KLHL32: variants seen among roughly 807,000 people sequenced by gnomAD.
The protein encoded by KLHL32 is kelch-like protein 32.
Under a neutral mutation model 64.8 loss-of-function variants are expected in KLHL32, and 35 were observed. The ratio of observed to expected loss-of-function variants is 0.54; its 90% confidence interval spans 0.41 to 0.72. The LOEUF is 0.72. KLHL32 is among the 30% of genes least tolerant of loss of function. The probability of loss-of-function intolerance (pLI) is 0.00; values close to 1 mark genes in which losing one functional copy is unlikely to be tolerated. For synonymous variants in KLHL32, 259 were observed against 281.0 expected, an observed-to-expected ratio of 0.92 and a Z score of 0.78; for missense variants, 589 against 768.5, an observed-to-expected ratio of 0.77 and a Z score of 2.76.
intron 2 of KLHL32, among the ~76,000 whole-genome samples, chr6:96,974,099 G>T (rs1239098982): frequency 6.6e-6 from 1 of 151,998 alleles, no homozygotes; most frequent in African/African-American, 2.4e-5. Flanking sequence ...CAAAATACCG[G>T]ATCTTGGACC....
chr6:97,101,330 T>C (rs1206155), intron 6 of KLHL32, among the ~76,000 whole-genome samples: 115,850 of 152,008 alleles, frequency 0.76, 44,441 homozygotes, highest in African/African-American at 0.85. Context: ...CAGGATTACC[T>C]CCAACAATTC....
intron 7 of KLHL32, among the ~76,000 whole-genome samples, chr6:97,126,719 A>G (rs946010905): frequency 2.6e-5 from 4 of 152,200 alleles, no homozygotes; most frequent in Non-Finnish European, 5.9e-5. Flanking sequence ...AAGACTTAGT[A>G]TGAAAAAAAG....
chr6:97,130,870 C>A lies in KLHL32; in HGVS notation c.1527C>A (p.Asp509Glu), dbSNP rs767030751. The change falls in exon 9 of 11, where the codon GAC becomes GAA. Residue 509 changes from aspartate (D) to glutamate (E), a missense_variant. Asp to Glu is a conservative substitution (Grantham distance 45). This residue lies in a region of KLHL32 where 172 missense variants were observed against 192.0 expected (regional missense o/e 0.90). Transcript: ENST00000369261. ...GCAATGACCTAGACTACAATAATGA[C>A]CGGATCCTTGTGCGCCATATAGATT... ...LGGNDLDYNN[D>E]RILVRHIDSY... is the part of the protein sequence containing the mutation. 1 of 1,614,076 alleles carries A rather than the reference C, an allele frequency of 6.2e-7. No homozygotes were observed. The highest frequency in any genetic ancestry group is 1.1e-5 in the South Asian group (1 of 91,076).
chr6:96,924,372 G>C (rs899364086), upstream of KLHL32, among the ~76,000 whole-genome samples: 1 of 151,922 alleles, frequency 6.6e-6, no homozygotes, highest in Non-Finnish European at 1.5e-5. Context: ...TGTGACCCAG[G>C]GGCCGGCGAC....
At chr6:97,111,262 A>G (rs1797096038) in intron 6 of KLHL32, among the ~76,000 whole-genome samples, 1 of 152,258 alleles carries the variant, frequency 6.6e-6, no homozygotes, top group African/African-American at 2.4e-5. Context: ...TGCAAGAGGC[A>G]TAGCTCAGAA....
rs111653706 is a variant in KLHL32, at chr6:96,966,525, C to A, written c.-65-471C>A. 1.1e-3 allele frequency among the ~76,000 whole-genome samples: 172 copies of A among 152,256 alleles called. 1 individual carries two copies. Among genetic ancestry groups the A allele is most frequent in the African/African-American group, 4.0e-3 (166 of 41,558 alleles). On this transcript the variant is annotated intron_variant, in intron 1 of 10. Coordinates refer to ENST00000369261, the MANE Select transcript of KLHL32 (RefSeq NM_052904.4). ...TTTTTTCCACCTACTTTTCAGAAAT[C>A]TGCTCTTGAATGGAAAATTATATTT...
chr6:96,928,895 A>T (rs1037913462), intron 1 of KLHL32, among the ~76,000 whole-genome samples: 1 of 152,218 alleles, frequency 6.6e-6, no homozygotes, highest in Non-Finnish European at 1.5e-5. Context: ...ATGAAGTCTT[A>T]TATGTTTGGG....
the KLHL32 span, among the ~76,000 whole-genome samples, chr6:96,905,071 G>C: frequency 6.6e-6 from 1 of 152,032 alleles, no homozygotes; most frequent in Non-Finnish European, 1.5e-5. Context: ...TAGCAGTTTT[G>C]GTTTGATTCC....
intron 3 of KLHL32, among the ~76,000 whole-genome samples, chr6:96,983,142 T>C (rs559854306): frequency 2.6e-5 from 4 of 152,394 alleles, no homozygotes; most frequent in African/African-American, 9.6e-5. Context: ...GATAATCATG[T>C]GGTTTTTGTC....
chr6:97,104,002 C>T lies in KLHL32; in HGVS notation c.628-9781C>T, dbSNP rs568523263. Reference sequence around the variant, plus strand: ...AAAAATGAGAGCCAAATAACTGATCCAATGTCAGCCATATACTCACATTGC... The same window carrying T: ...AAAAATGAGAGCCAAATAACTGATCTAATGTCAGCCATATACTCACATTGC... On this transcript the variant is annotated intron_variant, in intron 6 of 10. Transcript: ENST00000369261. Among the ~76,000 whole-genome samples, 5 of 152,320 alleles carry T rather than the reference C, an allele frequency of 3.3e-5. No homozygotes were observed. The South Asian group carries it at 1.0e-3, about 32-fold the overall frequency.
chr6:97,128,208 G>C (rs1393672105), intron 8 of KLHL32, among the ~76,000 whole-genome samples: 2 of 152,148 alleles, frequency 1.3e-5, no homozygotes, highest in African/African-American at 4.8e-5. Flanking sequence ...GGTTGGGACT[G>C]GCCACCAAAT....
At chr6:97,012,536 TATAAA>T (rs1470480002) in intron 3 of KLHL32, among the ~76,000 whole-genome samples, 7 of 152,244 alleles carry the variant, frequency 4.6e-5, no homozygotes, top group Non-Finnish European at 1.5e-5. Flanking sequence ...CTTCCAGAAC[TATAAA>T]ATAGATTTGT....
chr6:97,119,741 G>A (rs979236576), intron 7 of KLHL32, among the ~76,000 whole-genome samples: 1 of 152,166 alleles, frequency 6.6e-6, no homozygotes, highest in Admixed American at 6.5e-5. Flanking sequence ...TAACAGTCTG[G>A]CTTCCTGTAT....
At chr6:96,915,661 AAAAG>A in the KLHL32 span, among the ~76,000 whole-genome samples, 1 of 152,218 alleles carries the variant, frequency 6.6e-6, no homozygotes, top group Non-Finnish European at 1.5e-5. Context: ...AGTAAAAAAA[AAAAG>A]GGATGGATAA....
intron 3 of KLHL32, among the ~76,000 whole-genome samples, chr6:96,979,437 CA>C (rs1776054707): frequency 6.6e-6 from 1 of 152,132 alleles, no homozygotes; most frequent in Non-Finnish European, 1.5e-5. Flanking sequence ...TGTCAAAGAT[CA>C]GATGGTTGTA....
chr6:97,086,660 AC>A (rs1205174679), intron 6 of KLHL32, among the ~76,000 whole-genome samples: 7 of 152,226 alleles, frequency 4.6e-5, no homozygotes, highest in South Asian at 4.1e-4. Flanking sequence ...GACCAAAAAA[AC>A]ATTAAAGAAT....
chr6:96,945,715 G>T (rs1771837946), intron 1 of KLHL32, among the ~76,000 whole-genome samples: 1 of 152,152 alleles, frequency 6.6e-6, no homozygotes, highest in Admixed American at 6.5e-5. Flanking sequence ...GCATTCTTGG[G>T]CAGTGTCTTC....
chr6:96,951,892 T>C (rs1321181663), intron 1 of KLHL32, among the ~76,000 whole-genome samples: 1 of 152,178 alleles, frequency 6.6e-6, no homozygotes, highest in Non-Finnish European at 1.5e-5. Flanking sequence ...AGTAGCGTTG[T>C]TTTGTTCAAT....
At position 97,012,255 on chromosome 6, in the gene KLHL32, A is replaced by G. The variant is rs1270825763; in HGVS notation, c.205-29237A>G. Among the ~76,000 whole-genome samples the G allele has an allele frequency of 2.0e-5, 3 of 152,322 alleles. No individual in the cohort carries two copies. In the East Asian group the frequency reaches 5.8e-4, roughly 29 times the overall value. On this transcript the variant is annotated intron_variant, in intron 3 of 10. Coordinates refer to ENST00000369261, the MANE Select transcript of KLHL32 (RefSeq NM_052904.4). Reference sequence around the variant, plus strand: ...TGAAGTGATGGACCTTGAGGTGGCAATACTATCCTGGATTATGTAGCTGGA... The same window carrying G: ...TGAAGTGATGGACCTTGAGGTGGCAGTACTATCCTGGATTATGTAGCTGGA...
Sources: allele counts gnomAD v4.1 joint callset (sites outside exome capture counted in the v4.1 genomes callset), GRCh38; gene constraint gnomAD v4.1.1; regional missense constraint gnomAD v4.1.1; transcripts MANE v1.5; gene names NCBI Gene and HGNC (gene_info 2026-07-23, HGNC 2026-07-21).